Variants in KLF15 observed in about 807,000 individuals in gnomAD.
KLF15 encodes the protein KLF transcription factor 15.
Under a neutral mutation model 24.6 loss-of-function variants are expected in KLF15, and 4 were observed. The ratio of observed to expected loss-of-function variants is 0.16; its 90% CI spans 0.08 to 0.37. The LOEUF (loss-of-function observed/expected upper bound fraction) is 0.37, where lower values mean the gene tolerates loss of function less well. KLF15 is among the 10% of genes least tolerant of loss of function. The pLI is 1.00. For synonymous variants in KLF15, 246 were observed against 236.3 expected (o/e 1.04, Z -0.37); for missense variants, 496 against 560.6 (o/e 0.88, Z 1.16).
chr3:126,330,208 C>T, the KLF15 span, among the ~76,000 whole-genome samples: 13 of 152,196 alleles, frequency 8.5e-5, no homozygotes, highest in South Asian at 2.1e-4. Context: ...CAGAATCCCT[C>T]GTTCCCCACA....
the KLF15 span, among the ~76,000 whole-genome samples, chr3:126,292,392 C>T: frequency 6.6e-6 from 1 of 152,204 alleles, no homozygotes; most frequent in South Asian, 2.1e-4. Context: ...TGGGCCATCT[C>T]GCCTGCCCAG....
the KLF15 span, among the ~76,000 whole-genome samples, chr3:126,320,151 C>T: frequency 3.3e-5 from 5 of 152,134 alleles, no homozygotes; most frequent in African/African-American, 1.2e-4. Context: ...ATAGGGAGTG[C>T]TGAAGACTCT....
chr3:126,350,945 C>A (rs530033535), intron 2 of KLF15, among the ~76,000 whole-genome samples: 6 of 152,374 alleles, frequency 3.9e-5, no homozygotes, highest in Middle Eastern at 6.8e-3. Context: ...GCCAGAGATT[C>A]CTTTGGGATG....
intron 2 of KLF15, among the ~76,000 whole-genome samples, chr3:126,346,434 C>A (rs1379772383): frequency 6.6e-6 from 1 of 152,168 alleles, no homozygotes; most frequent in Non-Finnish European, 1.5e-5. Context: ...TTGACAGTTC[C>A]CACCCCACTG....
At chr3:126,290,506 A>ACCTTCCTTCCTCCCTT in the KLF15 span, among the ~76,000 whole-genome samples, 391 of 144,714 alleles carry the variant, frequency 2.7e-3, 2 homozygotes, top group African/African-American at 5.1e-3. Flanking sequence ...CTTCCTTCCT[A>ACCTTCCTTCCTCCCTT]CCTTCCTTCC....
At chr3:126,347,034 G>A (rs1303330987) in intron 2 of KLF15, among the ~76,000 whole-genome samples, 1 of 152,168 alleles carries the variant, frequency 6.6e-6, no homozygotes, top group Non-Finnish European at 1.5e-5. Context: ...TCACCTGCAT[G>A]GAGTTGAGTG....
At chr3:126,331,824 G>A in the KLF15 span, among the ~76,000 whole-genome samples, 2 of 152,222 alleles carry the variant, frequency 1.3e-5, no homozygotes, top group African/African-American at 2.4e-5. Context: ...AGGGGTCAGG[G>A]AGTTCCCTTT....
At chr3:126,335,938 T>G in the KLF15 span, among the ~76,000 whole-genome samples, 8 of 149,578 alleles carry the variant, frequency 5.3e-5, no homozygotes, top group East Asian at 1.6e-3. Context: ...TACAAACAAA[T>G]GAAAGAACAT....
chr3:126,309,042 G>A, the KLF15 span, among the ~76,000 whole-genome samples: 1 of 152,332 alleles, frequency 6.6e-6, no homozygotes, highest in South Asian at 2.1e-4. Context: ...TCAGATGTGT[G>A]GAGAGCAGGC....
the KLF15 span, among the ~76,000 whole-genome samples, chr3:126,318,847 G>A: frequency 6.6e-6 from 1 of 152,098 alleles, no homozygotes; most frequent in South Asian, 2.1e-4. Context: ...TTTAAATTAG[G>A]GTTCACTCCT....
the KLF15 span, among the ~76,000 whole-genome samples, chr3:126,319,490 G>T: frequency 6.6e-6 from 1 of 152,182 alleles, no homozygotes; most frequent in Non-Finnish European, 1.5e-5. Context: ...GGCATGTGGA[G>T]GTAGCTCGTT....
the KLF15 span, among the ~76,000 whole-genome samples, chr3:126,322,309 T>C: frequency 6.6e-6 from 1 of 152,160 alleles, no homozygotes; most frequent in Non-Finnish European, 1.5e-5. Context: ...TCGGTGGCGC[T>C]GGTTCCTCCT....
At chr3:126,302,775 C>T in the KLF15 span, among the ~76,000 whole-genome samples, 3 of 152,038 alleles carry the variant, frequency 2.0e-5, no homozygotes, top group Non-Finnish European at 4.4e-5. Flanking sequence ...CTACTTCTTA[C>T]TTATTTGTGA....
At chr3:126,313,178 G>A in the KLF15 span, among the ~76,000 whole-genome samples, 2 of 152,196 alleles carry the variant, frequency 1.3e-5, no homozygotes, top group Non-Finnish European at 2.9e-5. Flanking sequence ...AGACCCCAGA[G>A]ATGCAAGTGC....
the KLF15 span, chr3:126,288,809 C>G: frequency 6.6e-6 from 1 of 152,214 alleles, no homozygotes; most frequent in Admixed American, 6.5e-5. Flanking sequence ...GAAAACAAAC[C>G]ATTTAAAACT....
the KLF15 span, among the ~76,000 whole-genome samples, chr3:126,302,131 T>A: frequency 1.3e-5 from 2 of 152,196 alleles, no homozygotes; most frequent in Non-Finnish European, 2.9e-5. Flanking sequence ...TATCTTCCTT[T>A]GCCCATGGGT....
At chr3:126,323,984 G>A in the KLF15 span, among the ~76,000 whole-genome samples, 2 of 147,416 alleles carry the variant, frequency 1.4e-5, no homozygotes, top group East Asian at 3.9e-4. Context: ...GGGCATTTGG[G>A]TTGGCTCCAT....
At chr3:126,329,731 TC>T in the KLF15 span, among the ~76,000 whole-genome samples, 4 of 145,766 alleles carry the variant, frequency 2.7e-5, no homozygotes, top group African/African-American at 7.7e-5. Flanking sequence ...GAAATTGGGA[TC>T]TTTACAATAC....
the KLF15 span, among the ~76,000 whole-genome samples, chr3:126,312,845 C>T: frequency 2.8e-4 from 42 of 152,136 alleles, no homozygotes; most frequent in Non-Finnish European, 2.8e-4. Flanking sequence ...CCTGGGCCCT[C>T]GCCTAGCTTC....
Sources: allele counts gnomAD v4.1 joint callset (sites outside exome capture counted in the v4.1 genomes callset), GRCh38; gene constraint gnomAD v4.1.1; transcripts MANE v1.5; gene names NCBI Gene and HGNC (gene_info 2026-07-23, HGNC 2026-07-21).